Variants in LGSN observed in about 807,000 individuals in gnomAD.
The protein encoded by LGSN is lengsin.
A neutral mutation model predicts 19.5 loss-of-function variants in LGSN; 21 were observed. The ratio of observed to expected loss-of-function variants is 1.07; its 90% CI spans 0.76 to 1.55. The LOEUF (loss-of-function observed/expected upper bound fraction) is 1.55. LGSN is among the 40% of genes most tolerant of loss of function. LGSN has a pLI of 0.00. For missense variants in LGSN, 673 were observed against 608.5 expected, an observed-to-expected ratio of 1.11 and a Z score of -1.12; for synonymous variants, 257 against 215.6, an observed-to-expected ratio of 1.19 and a Z score of -1.68.
At chr6:63,423,207 G>T in the LGSN span, among the ~76,000 whole-genome samples, 1 of 152,176 alleles carries the variant, frequency 6.6e-6, no homozygotes, top group Non-Finnish European at 1.5e-5. Flanking sequence ...TGAGCCAGGA[G>T]CAGTGGTGCC....
At chr6:63,291,140 T>C (rs1011761388) in intron 2 of LGSN, among the ~76,000 whole-genome samples, 1 of 152,070 alleles carries the variant, frequency 6.6e-6, no homozygotes, top group Non-Finnish European at 1.5e-5. Context: ...AAACCACTTA[T>C]GGGAGGGGGA....
chr6:63,515,704 G>T, the LGSN span, among the ~76,000 whole-genome samples: 1 of 152,094 alleles, frequency 6.6e-6, no homozygotes, highest in Admixed American at 6.5e-5. Flanking sequence ...AGTCAGGCAT[G>T]AGAATGATTA....
intron 1 of LGSN, among the ~76,000 whole-genome samples, chr6:63,301,949 C>G (rs1562013864): frequency 6.6e-6 from 1 of 151,962 alleles, no homozygotes; most frequent in Non-Finnish European, 1.5e-5. Flanking sequence ...TGTTTAAAAC[C>G]TTTGGCATAT....
the LGSN span, among the ~76,000 whole-genome samples, chr6:63,412,696 A>AGGG: frequency 1.1e-3 from 155 of 136,448 alleles, 1 homozygote; most frequent in African/African-American, 4.3e-3. Flanking sequence ...AAAGAGAAAG[A>AGGG]AAGAAAGAAA....
At chr6:63,541,000 C>T in the LGSN span, among the ~76,000 whole-genome samples, 2 of 121,478 alleles carry the variant, frequency 1.6e-5, no homozygotes, top group African/African-American at 6.4e-5. Flanking sequence ...AAGACTCTGT[C>T]AAAAAAAAGG....
At chr6:63,414,923 TA>T in the LGSN span, among the ~76,000 whole-genome samples, 6 of 152,068 alleles carry the variant, frequency 3.9e-5, no homozygotes, top group Non-Finnish European at 8.8e-5. Flanking sequence ...TAAAAAAAAT[TA>T]AATTAAAAAT....
chr6:63,418,909 T>A, the LGSN span, among the ~76,000 whole-genome samples: 2 of 151,974 alleles, frequency 1.3e-5, no homozygotes, highest in Non-Finnish European at 2.9e-5. Flanking sequence ...AAAACTAGAC[T>A]TCCCTCTTCA....
chr6:63,546,263 G>C, the LGSN span, among the ~76,000 whole-genome samples: 1 of 152,174 alleles, frequency 6.6e-6, no homozygotes, highest in Non-Finnish European at 1.5e-5. Flanking sequence ...AGGACATTTT[G>C]CTAAGTGAAA....
At chr6:63,551,005 T>A in the LGSN span, among the ~76,000 whole-genome samples, 7 of 152,212 alleles carry the variant, frequency 4.6e-5, no homozygotes, top group Non-Finnish European at 1.5e-5. Context: ...CCTGGACCTC[T>A]TAGAAAATGT....
chr6:63,430,392 T>C, the LGSN span, among the ~76,000 whole-genome samples: 1 of 152,094 alleles, frequency 6.6e-6, no homozygotes, highest in Non-Finnish European at 1.5e-5. Context: ...ATCTTTTATT[T>C]TATTTTATTT....
intron 1 of LGSN, among the ~76,000 whole-genome samples, chr6:63,295,718 G>A (rs1252330431): frequency 6.6e-6 from 1 of 152,104 alleles, no homozygotes; most frequent in Non-Finnish European, 1.5e-5. Context: ...TGACATGACA[G>A]GATATGCCCA....
the LGSN span, among the ~76,000 whole-genome samples, chr6:63,564,918 A>G: frequency 6.6e-6 from 1 of 152,246 alleles, no homozygotes; most frequent in Non-Finnish European, 1.5e-5. Context: ...ATAGATTCAT[A>G]ATAAGTCCTT....
At chr6:63,552,895 A>G in the LGSN span, among the ~76,000 whole-genome samples, 1 of 152,108 alleles carries the variant, frequency 6.6e-6, no homozygotes, top group African/African-American at 2.4e-5. Flanking sequence ...CTGTTTTGGT[A>G]CCAGTACCGT....
chr6:63,526,429 T>A, the LGSN span, among the ~76,000 whole-genome samples: 1 of 152,150 alleles, frequency 6.6e-6, no homozygotes, highest in South Asian at 2.1e-4. Flanking sequence ...TCTTACATAA[T>A]CTTTCCCAGA....
chr6:63,412,425 A>G, the LGSN span, among the ~76,000 whole-genome samples: 182 of 138,838 alleles, frequency 1.3e-3, 3 homozygotes, highest in African/African-American at 5.4e-3. Context: ...GAAGAAAGAA[A>G]GAAAGAAAGA....
chr6:63,345,927 G>A, the LGSN span, among the ~76,000 whole-genome samples: 1 of 152,032 alleles, frequency 6.6e-6, no homozygotes, highest in African/African-American at 2.4e-5. Context: ...AAACTAAATG[G>A]TCTGTTTCTG....
chr6:63,495,469 T>TTTTTTTTTTTTTTTTTTTTTTTTAG, the LGSN span, among the ~76,000 whole-genome samples: 1 of 119,306 alleles, frequency 8.4e-6, no homozygotes, highest in African/African-American at 3.4e-5. Context: ...TTTTTTTTTT[T>TTTTTTTTTTTTTTTTTTTTTTTTAG]TTTTTTTGAG....
the LGSN span, chr6:63,441,562 T>C: frequency 4.6e-6 from 2 of 433,856 alleles, no homozygotes; most frequent in Non-Finnish European, 8.9e-6. Context: ...GGGTTGGAAG[T>C]AGAACGAGAG....
the LGSN span, among the ~76,000 whole-genome samples, chr6:63,412,861 AGAGT>A: frequency 6.7e-6 from 1 of 150,142 alleles, no homozygotes; most frequent in Admixed American, 6.6e-5. Context: ...AGGGAGAGAG[AGAGT>A]AAGAGAAAGA....
Sources: allele counts gnomAD v4.1 joint callset (sites outside exome capture counted in the v4.1 genomes callset), GRCh38; gene constraint gnomAD v4.1.1; transcripts MANE v1.5; gene names NCBI Gene and HGNC (gene_info 2026-07-23, HGNC 2026-07-21).